The following CEP112 variants were observed in gnomAD, a reference collection of about 807,000 sequenced individuals.
CEP112 encodes centrosomal protein of 112 kDa.
A neutral mutation model predicts 153.0 loss-of-function variants in CEP112; 127 were observed. The observed-to-expected ratio is 0.83, with a 90% CI of 0.72 to 0.96. CEP112 has a LOEUF of 0.96. CEP112 is among the 40% of genes least tolerant of loss of function. The pLI, the probability that CEP112 is intolerant of heterozygous loss-of-function variation, is 0.00. For synonymous variants in CEP112, 358 were observed against 374.4 expected (o/e 0.96, Z 0.51); for missense variants, 1,089 against 1,101.2 (o/e 0.99, Z 0.16).
At chr17:65,859,960 A>G (rs2058254984) in intron 20 of CEP112, among the ~76,000 whole-genome samples, 1 of 150,078 alleles carries the variant, frequency 6.7e-6, no homozygotes. Context: ...GGTTGCAGTG[A>G]GCCAAGATTG....
chr17:66,032,071 G>A (rs1346485664), intron 12 of CEP112, among the ~76,000 whole-genome samples: 3 of 151,928 alleles, frequency 2.0e-5, no homozygotes, highest in Non-Finnish European at 2.9e-5. Flanking sequence ...GCTGGATCTC[G>A]GCTCACTGCA....
At chr17:65,949,159 G>C (rs2061737421) in intron 18 of CEP112, among the ~76,000 whole-genome samples, 1 of 152,066 alleles carries the variant, frequency 6.6e-6, no homozygotes, top group South Asian at 2.1e-4. Flanking sequence ...TACCATGTTT[G>C]ACATATATAT....
chr17:65,652,097 A>T (rs186148392), intron 24 of CEP112, among the ~76,000 whole-genome samples: 2 of 152,260 alleles, frequency 1.3e-5, no homozygotes, highest in African/African-American at 4.8e-5. Flanking sequence ...CAAAACCACA[A>T]TGTGATCTCT....
Position 65,707,251 on chromosome 17 carries a change from C to T in CEP112, c.2608-18033G>A, listed in dbSNP as rs563770299. ...CACATTCAATTTTCACTAGGAGTGG[C>T]GCAGGATGAATAGAAAATTATAAGT... On this transcript the variant is annotated intron_variant, in intron 23 of 26. Transcript: ENST00000535342. Among the ~76,000 whole-genome samples the T allele has an allele frequency of 4.2e-4, 64 of 152,158 alleles. 1 individual carries two copies. In the South Asian group the frequency reaches 0.011, roughly 26 times the overall value.
intron 20 of CEP112, among the ~76,000 whole-genome samples, chr17:65,893,870 C>T (rs551951602): frequency 3.3e-5 from 5 of 152,154 alleles, no homozygotes; most frequent in African/African-American, 1.2e-4. Flanking sequence ...GAATGGGAGA[C>T]AAAATGACAG....
chr17:66,183,848 A>T (rs1339036670), intron 1 of CEP112, among the ~76,000 whole-genome samples: 1 of 152,206 alleles, frequency 6.6e-6, no homozygotes, highest in Admixed American at 6.5e-5. Context: ...ACCTAAGTGT[A>T]AAAATGTAAA....
intron 17 of CEP112, among the ~76,000 whole-genome samples, chr17:65,962,037 T>C (rs183058512): frequency 1.3e-5 from 2 of 152,354 alleles, no homozygotes; most frequent in African/African-American, 2.4e-5. Flanking sequence ...ATTCCATTTA[T>C]ATGAAATTTC....
In CEP112 at chr17:65,722,289, C is replaced by T. The variant is rs572800864; in HGVS notation, c.2607+20779G>A. On this transcript the variant is annotated intron_variant, in intron 23 of 26. Coordinates refer to ENST00000535342, the MANE Select transcript of CEP112 (RefSeq NM_001199165.4). ...TTTGAGATAGAGTCTCCCTTTGTTG[C>T]CCAGGCTGGAGTGCAGTGGTGTGAT... Among the ~76,000 whole-genome samples the T allele has an allele frequency of 1.8e-4, 27 of 152,230 alleles. 1 individual carries two copies. Among genetic ancestry groups the T allele is most frequent in the Admixed American group, 1.6e-3 (25 of 15,290 alleles).
chr17:65,796,952 C>T (rs1300514106), intron 21 of CEP112, among the ~76,000 whole-genome samples: 2 of 151,112 alleles, frequency 1.3e-5, no homozygotes, highest in Non-Finnish European at 2.9e-5. Context: ...TGCTTGGGAG[C>T]CTGAGGTAGG....
chr17:65,961,301 T>C lies in CEP112; in HGVS notation c.1872+162A>G, dbSNP rs117926408. Among the ~76,000 whole-genome samples the C allele has an allele frequency of 2.5e-3, 385 of 152,368 alleles. 2 individuals carry two copies. The highest frequency in any genetic ancestry group is 6.2e-3 in the South Asian group (30 of 4,826). ...GGCATTGCTTGAAGGATGAATCAAG[T>C]GGTAACATCTCTTTCTCATTCTGAA... On this transcript the variant is annotated intron_variant, in intron 18 of 26. Coordinates refer to ENST00000535342, the MANE Select transcript of CEP112 (RefSeq NM_001199165.4).
intron 21 of CEP112, among the ~76,000 whole-genome samples, chr17:65,778,717 A>G (rs2053832504): frequency 1.3e-5 from 2 of 152,242 alleles, no homozygotes; most frequent in Non-Finnish European, 2.9e-5. Context: ...GAGAGGTGGA[A>G]GTGAAAAAGT....
chr17:66,067,512 T>C (rs1354947233), intron 9 of CEP112, among the ~76,000 whole-genome samples: 1 of 152,170 alleles, frequency 6.6e-6, no homozygotes, highest in African/African-American at 2.4e-5. Context: ...AATAAGTGAA[T>C]GGTGAATTAG....
chr17:66,101,263 A>AC, intron 6 of CEP112, among the ~76,000 whole-genome samples: 1 of 152,150 alleles, frequency 6.6e-6, no homozygotes, highest in East Asian at 1.9e-4. Context: ...TATTTAAGGA[A>AC]CTCAGGTAAA....
intron 19 of CEP112, 104 bp from the exon 20 acceptor site, chr17:65,902,438 T>G: frequency 1.1e-6 from 1 of 939,938 alleles, no homozygotes; most frequent in South Asian, 2.3e-5. Context: ...GTTGAAAATT[T>G]TTATTTTTAC....
intron 21 of CEP112, among the ~76,000 whole-genome samples, chr17:65,800,532 T>C (rs1456933720): frequency 6.6e-6 from 1 of 152,226 alleles, no homozygotes; most frequent in Non-Finnish European, 1.5e-5. Context: ...TTGGGTTGCT[T>C]ATACTTTTTG....
chr17:65,705,966 T>G (rs1051375375), intron 23 of CEP112, among the ~76,000 whole-genome samples: 1 of 152,156 alleles, frequency 6.6e-6, no homozygotes, highest in Non-Finnish European at 1.5e-5. Flanking sequence ...TAAAACGACT[T>G]GATGTCTGGA....
At chr17:66,084,106 G>A (rs1477126218) in intron 8 of CEP112, among the ~76,000 whole-genome samples, 1 of 152,118 alleles carries the variant, frequency 6.6e-6, no homozygotes, top group Admixed American at 6.5e-5. Context: ...AAACTACCAG[G>A]AGATATCATT....
chr17:66,099,788 A>C (rs889565688), intron 6 of CEP112, among the ~76,000 whole-genome samples: 3 of 152,174 alleles, frequency 2.0e-5, no homozygotes, highest in African/African-American at 7.2e-5. Context: ...GCAGAAGGAA[A>C]CACTTTTTTA....
chr17:65,808,827 CT>C (rs779706710), intron 21 of CEP112, among the ~76,000 whole-genome samples: 2 of 152,164 alleles, frequency 1.3e-5, no homozygotes, highest in Non-Finnish European at 2.9e-5. Flanking sequence ...AATTAAACTT[CT>C]TTTCTTCATA....
Sources: allele counts gnomAD v4.1 joint callset (sites outside exome capture counted in the v4.1 genomes callset), GRCh38; gene constraint gnomAD v4.1.1; transcripts MANE v1.5; gene names NCBI Gene and HGNC (gene_info 2026-07-23, HGNC 2026-07-21).